Variants in SORBS2 observed in about 807,000 individuals in gnomAD.
SORBS2 encodes the protein sorbin and SH3 domain containing 2, also known as sorbin and SH3 domain-containing protein 2.
A neutral mutation model predicts 97.7 loss-of-function variants in SORBS2; 46 were observed. The observed-to-expected ratio is 0.47, with a 90% CI of 0.37 to 0.60. The LOEUF (loss-of-function observed/expected upper bound fraction) is 0.60. Ranked by LOEUF, SORBS2 falls within the 20% of genes least tolerant of loss-of-function variation. The probability of loss-of-function intolerance (pLI) is 0.00; values close to 1 mark genes in which losing one functional copy is unlikely to be tolerated. For synonymous variants in SORBS2, 476 were observed against 473.4 expected, an observed-to-expected ratio of 1.01 and a Z score of -0.07; for missense variants, 1,316 against 1,282.3, an observed-to-expected ratio of 1.03 and a Z score of -0.40.
intron 12 of SORBS2, among the ~76,000 whole-genome samples, chr4:185,595,648 CTTCT>C (rs1005887111): frequency 4.6e-4 from 69 of 151,572 alleles, no homozygotes; most frequent in African/African-American, 1.6e-3. Context: ...TTTTCTCAGT[CTTCT>C]TTCTTATTTC....
chr4:185,821,381 C>T (rs2099196738), intron 1 of SORBS2, among the ~76,000 whole-genome samples: 1 of 152,032 alleles, frequency 6.6e-6, no homozygotes, highest in Non-Finnish European at 1.5e-5. Flanking sequence ...GAACTTTGGG[C>T]CTTATCTTCC....
At chr4:185,685,771 C>T (rs1258671560) in intron 2 of SORBS2, among the ~76,000 whole-genome samples, 1 of 152,208 alleles carries the variant, frequency 6.6e-6, no homozygotes, top group Non-Finnish European at 1.5e-5. Context: ...GCTCTTTCCG[C>T]CTCGGCCTCC....
At chr4:185,681,964 A>G (rs1380990309) in intron 2 of SORBS2, among the ~76,000 whole-genome samples, 1 of 152,246 alleles carries the variant, frequency 6.6e-6, no homozygotes, top group African/African-American at 2.4e-5. Flanking sequence ...TTTGATGCCT[A>G]TAACTCATTT....
At chr4:185,749,363 T>C (rs942614762) in intron 2 of SORBS2, among the ~76,000 whole-genome samples, 3 of 152,258 alleles carry the variant, frequency 2.0e-5, no homozygotes, top group Non-Finnish European at 4.4e-5. Flanking sequence ...GAAGATTTAA[T>C]TGTTTTGATC....
rs2096442801 is a variant in SORBS2, at chr4:185,607,094, C to T, written c.2796+4686G>A. On this transcript the variant is annotated intron_variant, in intron 12 of 14. Coordinates refer to ENST00000418609, the Ensembl canonical transcript of SORBS2. The surrounding 1 kb of genome is among the most constrained non-coding windows in gnomAD (Gnocchi z 5.2). Reference sequence around the variant, plus strand: ...GACAATGGGAGGAGGACAGCAGGTTCCTCCTTAATTTCCAGGATGGCGTCC... The same window carrying T: ...GACAATGGGAGGAGGACAGCAGGTTTCTCCTTAATTTCCAGGATGGCGTCC... 1 of 1,057,678 alleles carries T rather than the reference C, an allele frequency of 9.5e-7. No homozygotes were observed. Among genetic ancestry groups the T allele is most frequent in the Non-Finnish European group, 1.1e-6 (1 of 872,028 alleles). The allele number at this position is 1,057,678 out of a possible 1,614,324, so 65.5% of individuals were successfully genotyped here.
chr4:185,659,937 C>T (rs2097488275), upstream of SORBS2, among the ~76,000 whole-genome samples: 1 of 152,170 alleles, frequency 6.6e-6, no homozygotes, highest in South Asian at 2.1e-4. Context: ...ATACCTTATG[C>T]AATATAAGTT....
intron 7 of SORBS2, 93 bp from the exon 20 acceptor site, chr4:185,620,244 C>T (rs1317295527): frequency 1.2e-6 from 1 of 832,046 alleles, no homozygotes; most frequent in African/African-American, 1.7e-5. Flanking sequence ...CTACTTTTTT[C>T]CCCAAATTTG....
intron 1 of SORBS2, among the ~76,000 whole-genome samples, chr4:185,923,242 GA>G (rs949008256): frequency 2.0e-5 from 3 of 152,128 alleles, no homozygotes; most frequent in Non-Finnish European, 4.4e-5. Context: ...GCTTATGCTG[GA>G]AAAGTACGCC....
chr4:185,613,913 T>A (rs12498673), intron 11 of SORBS2, among the ~76,000 whole-genome samples: 24,698 of 151,828 alleles, frequency 0.16, 2,907 homozygotes, highest in East Asian at 0.56. Flanking sequence ...GAGACAAGGT[T>A]CTGCCAGGAC....
At chr4:185,693,115 T>C (rs548752522) in intron 2 of SORBS2, among the ~76,000 whole-genome samples, 4 of 152,268 alleles carry the variant, frequency 2.6e-5, no homozygotes, top group South Asian at 2.1e-4. Context: ...CACAGGGTTA[T>C]GGGGAACTTC....
chr4:185,692,496 T>C (rs898957343), intron 2 of SORBS2, among the ~76,000 whole-genome samples: 1 of 152,180 alleles, frequency 6.6e-6, no homozygotes, highest in Non-Finnish European at 1.5e-5. Flanking sequence ...CACCCTCTTC[T>C]CCCTTCTGAC....
rs116236667 is a variant in SORBS2 at position 185,944,374 on chromosome 4, A to G, written c.-338+11822T>C. Among the ~76,000 whole-genome samples the G allele has an allele frequency of 8.8e-3, 1,338 of 152,352 alleles. 9 individuals are homozygous for G. The highest frequency in any genetic ancestry group is 0.012 in the South Asian group (57 of 4,830). ...TGTCAGCCACATCACTTAAATACTT[A>G]CATAGATTGAGTCTCAATGTCAGTT... is the stretch of plus-strand genomic sequence containing the variant. On this transcript the variant is annotated intron_variant, in intron 1 of 20. Coordinates refer to the SORBS2 transcript ENST00000284776.
chr4:185,782,435 G>A (rs2099035554), intron 1 of SORBS2, among the ~76,000 whole-genome samples: 1 of 152,204 alleles, frequency 6.6e-6, no homozygotes, highest in South Asian at 2.1e-4. Flanking sequence ...TCACAACCAT[G>A]TGATACTCTA....
chr4:185,789,637 TCTC>T (rs2099071622), intron 1 of SORBS2, among the ~76,000 whole-genome samples: 1 of 151,916 alleles, frequency 6.6e-6, no homozygotes, highest in African/African-American at 2.4e-5. Context: ...CATTCTATAG[TCTC>T]CTCTATTTTT....
intron 1 of SORBS2, among the ~76,000 whole-genome samples, chr4:185,879,116 C>T (rs942469363): frequency 7.3e-5 from 11 of 150,882 alleles, no homozygotes; most frequent in East Asian, 3.9e-4. Flanking sequence ...TGGTGTGCTG[C>T]ACCCATTAAC....
chr4:185,611,198 C>T (rs905163262), intron 12 of SORBS2, among the ~76,000 whole-genome samples: 7 of 152,020 alleles, frequency 4.6e-5, no homozygotes, highest in South Asian at 2.1e-4. Flanking sequence ...GACTTATAGA[C>T]TCTAATTAAA....
At chr4:185,711,878 T>C (rs917382913) in intron 2 of SORBS2, among the ~76,000 whole-genome samples, 4 of 152,232 alleles carry the variant, frequency 2.6e-5, no homozygotes, top group Middle Eastern at 3.4e-3. Context: ...CAGCTGACCG[T>C]GCTCCCCGCC....
At chr4:185,792,584 G>A (rs925632590) in intron 1 of SORBS2, among the ~76,000 whole-genome samples, 1 of 151,864 alleles carries the variant, frequency 6.6e-6, no homozygotes, top group African/African-American at 2.4e-5. Flanking sequence ...AGGAAGGAAA[G>A]AAAATATGAA....
At chr4:185,657,937 C>G (rs1477520915), upstream of SORBS2, among the ~76,000 whole-genome samples, 1 of 152,114 alleles carries the variant, frequency 6.6e-6, no homozygotes, top group African/African-American at 2.4e-5. Flanking sequence ...ATAGGGGGAG[C>G]AAGAACCAGT....
Sources: allele counts gnomAD v4.1 joint callset (sites outside exome capture counted in the v4.1 genomes callset), GRCh38; gene constraint gnomAD v4.1.1; non-coding constraint Gnocchi (gnomAD v3.1); transcripts MANE v1.5; gene names NCBI Gene and HGNC (gene_info 2026-07-23, HGNC 2026-07-21).